BCAR3: variants seen among roughly 807,000 people sequenced by gnomAD.
BCAR3 encodes the protein breast cancer anti-estrogen resistance protein 3.
Under a neutral mutation model 80.1 loss-of-function variants are expected in BCAR3, and 37 were observed. The ratio of observed to expected loss-of-function variants is 0.46; its 90% confidence interval spans 0.36 to 0.61. The LOEUF (loss-of-function observed/expected upper bound fraction) is 0.61. Ranked by LOEUF, BCAR3 falls within the 20% of genes least tolerant of loss-of-function variation. The pLI is 0.00. For synonymous variants in BCAR3, 389 were observed against 418.9 expected, an observed-to-expected ratio of 0.93 and a Z score of 0.87; for missense variants, 978 against 1,068.2, an observed-to-expected ratio of 0.92 and a Z score of 1.18.
intron 3 of BCAR3, among the ~76,000 whole-genome samples, chr1:93,616,050 C>A (rs1214525644): frequency 6.6e-6 from 1 of 152,168 alleles, no homozygotes; most frequent in Non-Finnish European, 1.5e-5. Flanking sequence ...ATAACTCAGA[C>A]ATGTAAATCA....
intron 2 of BCAR3, among the ~76,000 whole-genome samples, chr1:93,769,483 TTC>T (rs72327253): frequency 0.013 from 2,041 of 151,400 alleles, 23 homozygotes; most frequent in Non-Finnish European, 0.022. Flanking sequence ...GGCTATGATC[TTC>T]TCTCTGATTC....
At chr1:93,660,242 G>T (rs563744036) in intron 2 of BCAR3, among the ~76,000 whole-genome samples, 4 of 152,150 alleles carry the variant, frequency 2.6e-5, no homozygotes, top group Non-Finnish European at 5.9e-5. Flanking sequence ...ACAGGCCAGC[G>T]ACCGAACTGT....
chr1:93,617,651 G>C (rs1675169637), intron 3 of BCAR3, among the ~76,000 whole-genome samples: 1 of 152,214 alleles, frequency 6.6e-6, no homozygotes, highest in South Asian at 2.1e-4. Flanking sequence ...AATGCTTTCT[G>C]GCTTTTTGCT....
chr1:93,655,789 A>G (rs997464512), intron 2 of BCAR3, among the ~76,000 whole-genome samples: 2 of 152,190 alleles, frequency 1.3e-5, no homozygotes, highest in African/African-American at 2.4e-5. Flanking sequence ...CCTTCAAATT[A>G]TGGACACATA....
intron 2 of BCAR3, among the ~76,000 whole-genome samples, chr1:93,660,886 T>TA (rs1274534109): frequency 6.6e-6 from 1 of 151,076 alleles, no homozygotes; most frequent in African/African-American, 2.4e-5. Context: ...GGATAATTTC[T>TA]TTTTTTTTAG....
intron 3 of BCAR3, among the ~76,000 whole-genome samples, chr1:93,600,408 T>C (rs1479802423): frequency 6.6e-6 from 1 of 152,180 alleles, no homozygotes; most frequent in Non-Finnish European, 1.5e-5. Flanking sequence ...GTCAGAGGCA[T>C]GACTGGCAGG....
At chr1:93,714,271 G>A (rs890090673) in intron 2 of BCAR3, among the ~76,000 whole-genome samples, 3 of 152,174 alleles carry the variant, frequency 2.0e-5, no homozygotes, top group South Asian at 2.1e-4. Context: ...GTGAGCCACC[G>A]CGCCCGGCCC....
chr1:93,764,027 T>C (rs576113416), intron 2 of BCAR3, among the ~76,000 whole-genome samples: 1 of 152,172 alleles, frequency 6.6e-6, no homozygotes, highest in East Asian at 1.9e-4. Flanking sequence ...TGATCACACA[T>C]AGATCCGGAA....
In BCAR3 at chr1:93,715,464, G is replaced by A. The variant is rs372194541; in HGVS notation, c.-62-9322C>T. On this transcript the variant is annotated intron_variant, in intron 2 of 13. Transcript: ENST00000370244. ...AGGAGGTTCTGGAGAGATCAACTCA[G>A]CTGCCCAAGATCTCTCAGCTGATTG... 9.2e-5 allele frequency among the ~76,000 whole-genome samples: 14 copies of A among 152,288 alleles called. No individual in the cohort carries two copies. In the East Asian group the frequency reaches 2.5e-3, roughly 27 times the overall value.
At chr1:93,595,003 CA>C (rs1224402536) in intron 3 of BCAR3, among the ~76,000 whole-genome samples, 1 of 152,080 alleles carries the variant, frequency 6.6e-6, no homozygotes, top group Non-Finnish European at 1.5e-5. Flanking sequence ...AAACTGGTTA[CA>C]AAAAATATAA....
intron 2 of BCAR3, among the ~76,000 whole-genome samples, chr1:93,726,517 T>C (rs1176974428): frequency 6.6e-6 from 1 of 152,252 alleles, no homozygotes. Flanking sequence ...GCTGATGTAA[T>C]TGTGATAGGG....
intron 2 of BCAR3, among the ~76,000 whole-genome samples, chr1:93,671,362 A>G (rs1472331451): frequency 6.6e-6 from 1 of 152,174 alleles, no homozygotes; most frequent in African/African-American, 2.4e-5. Context: ...CTTGCAACAG[A>G]GTACTTCACA....
At chr1:93,589,734 C>G (rs752408574) in intron 4 of BCAR3, among the ~76,000 whole-genome samples, 17 of 152,118 alleles carry the variant, frequency 1.1e-4, no homozygotes, top group Non-Finnish European at 1.6e-4. Context: ...GGATAAATAA[C>G]CAGTGGCTAT....
chr1:93,615,956 A>G (rs776717526), intron 3 of BCAR3, among the ~76,000 whole-genome samples: 16 of 152,214 alleles, frequency 1.1e-4, no homozygotes, highest in Non-Finnish European at 2.2e-4. Context: ...AATTCGTGAG[A>G]TTAGTCAGCC....
intron 3 of BCAR3, among the ~76,000 whole-genome samples, chr1:93,696,753 G>C (rs1374161944): frequency 6.6e-6 from 1 of 152,150 alleles, no homozygotes; most frequent in Non-Finnish European, 1.5e-5. Flanking sequence ...CCAAGCCATT[G>C]CTCCTACAGT....
chr1:93,603,277 C>T (rs972297338), intron 3 of BCAR3, among the ~76,000 whole-genome samples: 8 of 152,234 alleles, frequency 5.3e-5, no homozygotes, highest in African/African-American at 1.9e-4. Flanking sequence ...GCCTGGCCAG[C>T]GGTCCAGGAC....
At chr1:93,752,503 G>T (rs536216224) in intron 2 of BCAR3, among the ~76,000 whole-genome samples, 1 of 152,328 alleles carries the variant, frequency 6.6e-6, no homozygotes, top group South Asian at 2.1e-4. Flanking sequence ...CATGTCAATC[G>T]GTTGTGAAGT....
chr1:93,845,497 T>TC (rs1182494320), intron 2 of BCAR3: 329 of 2,746 alleles, frequency 0.12, 18 homozygotes, highest in Middle Eastern at 0.3. Flanking sequence ...TATATATATA[T>TC]ATATAAAACT....
intron 2 of BCAR3, among the ~76,000 whole-genome samples, chr1:93,656,980 A>C (rs1356960263): frequency 6.6e-6 from 1 of 152,162 alleles, no homozygotes; most frequent in Non-Finnish European, 1.5e-5. Flanking sequence ...GGGAATTTAC[A>C]TTCAGCCAAA....
Sources: gnomAD v4.1 joint callset for allele counts (sites outside exome capture counted in the v4.1 genomes callset) on GRCh38, gnomAD v4.1.1 for gene constraint, MANE v1.5 for transcripts, NCBI Gene and HGNC (gene_info 2026-07-23, HGNC 2026-07-21) for gene names.